The following ZMYM4 variants were observed in gnomAD, a reference collection of about 807,000 sequenced individuals.
The protein encoded by ZMYM4 is zinc finger MYM-type containing 4, also known as zinc finger MYM-type protein 4.
Under a neutral mutation model 183.2 loss-of-function variants are expected in ZMYM4, and 31 were observed. The ratio of observed to expected loss-of-function variants is 0.17; its 90% CI spans 0.13 to 0.23. The LOEUF is 0.23. Among genes scored for constraint, ZMYM4 ranks in the 10% least tolerant of loss-of-function variants. The probability of loss-of-function intolerance (pLI) is 1.00; values close to 1 mark genes in which losing one functional copy is unlikely to be tolerated. For synonymous variants in ZMYM4, 592 were observed against 631.2 expected (o/e 0.94, Z 0.93); for missense variants, 1,273 against 1,840.3 (o/e 0.69, Z 5.64).
rs545637685 is a variant in ZMYM4 at position 35,321,726 on chromosome 1, A to C, written c.40-3634A>C. ...TAAATTGGATTAAATCATATAAAGT[A>C]CTTGGAAAAAAAGTGTCATAAACTG... On this transcript the variant is annotated intron_variant, in intron 1 of 29. Coordinates refer to ENST00000314607, the MANE Select transcript of ZMYM4 (RefSeq NM_005095.3). Among the ~76,000 whole-genome samples the C allele has an allele frequency of 2.0e-5, 3 of 152,260 alleles. No individual in the cohort carries two copies. The East Asian group carries it at 5.8e-4, about 29-fold the overall frequency.
At chr1:35,332,407 T>G (rs1022978185) in intron 2 of ZMYM4, among the ~76,000 whole-genome samples, 10 of 151,452 alleles carry the variant, frequency 6.6e-5, no homozygotes, top group African/African-American at 2.2e-4. Flanking sequence ...GGGGATGTTT[T>G]TTTTTTTTTT....
At position 35,340,780 on chromosome 1, in the gene ZMYM4, G is replaced by T. The variant is rs192990084; in HGVS notation, c.85+15375G>T. The stretch of plus-strand genomic sequence containing the variant: ...CTTGCTTGTGGGATGCTGACCTCCT[G>T]CTGTGAGGCCCAGTTTCTAACAGGC... On this transcript the variant is annotated intron_variant, in intron 2 of 29. Coordinates refer to ENST00000314607, the MANE Select transcript of ZMYM4 (RefSeq NM_005095.3). Among the ~76,000 whole-genome samples, 13 of 152,306 alleles carry T rather than the reference G, an allele frequency of 8.5e-5. 2 individuals carry two copies. The highest frequency in any genetic ancestry group is 2.6e-4 in the African/African-American group (11 of 41,562).
chr1:35,313,012 G>A (rs1286527640), intron 1 of ZMYM4, among the ~76,000 whole-genome samples: 2 of 152,168 alleles, frequency 1.3e-5, no homozygotes, highest in African/African-American at 2.4e-5. Flanking sequence ...TCCTGCCCCA[G>A]CCTCCCGAGT....
intron 13 of ZMYM4, 88 bp downstream of exon 13, chr1:35,387,692 A>G (rs1285186762): frequency 1.5e-5 from 21 of 1,385,572 alleles, no homozygotes; most frequent in South Asian, 1.1e-4. Flanking sequence ...GTCTAAGTTA[A>G]TCTGTTTTAT....
At chr1:35,410,545 G>T (rs972392715) in intron 26 of ZMYM4, among the ~76,000 whole-genome samples, 1 of 151,816 alleles carries the variant, frequency 6.6e-6, no homozygotes, top group South Asian at 2.1e-4. Flanking sequence ...CTGGAGTGCA[G>T]TGACACCATC....
intron 1 of ZMYM4, among the ~76,000 whole-genome samples, chr1:35,286,387 A>G (rs1212123906): frequency 2.0e-5 from 3 of 152,162 alleles, no homozygotes; most frequent in Non-Finnish European, 4.4e-5. Flanking sequence ...TCCGCCAAAA[A>G]AATAGAACCA....
intron 9 of ZMYM4, 118 bp downstream of exon 9, chr1:35,381,876 G>T: frequency 8.0e-7 from 1 of 1,247,268 alleles, no homozygotes. Context: ...CAAGTGCCAT[G>T]GCTCACACCT....
intron 7 of ZMYM4, among the ~76,000 whole-genome samples, chr1:35,374,019 C>CT (rs397863926): frequency 0.084 from 4,432 of 52,888 alleles, 1,188 homozygotes; most frequent in Non-Finnish European, 0.12. Flanking sequence ...TCATGGGATT[C>CT]TTTTTTTTTT....
chr1:35,322,845 A>G (rs889023187), intron 1 of ZMYM4, among the ~76,000 whole-genome samples: 3 of 151,778 alleles, frequency 2.0e-5, no homozygotes, highest in African/African-American at 7.3e-5. Flanking sequence ...GTGTGCCACC[A>G]TGCCCGGCTA....
At position 35,371,164 on chromosome 1, in the gene ZMYM4, G is replaced by T. The variant is rs550260215; in HGVS notation, c.1181+537G>T. Among the ~76,000 whole-genome samples the T allele has an allele frequency of 3.0e-3, 457 of 151,540 alleles. 1 individual carries two copies. The highest frequency in any genetic ancestry group is 4.3e-3 in the Non-Finnish European group (294 of 67,886). ...GGAGTCTCGCTCTGTTGCCCAGGCT[G>T]GAGTGCAGTGGTGTGATCTCGGCTC... is the stretch of plus-strand genomic sequence containing the variant. On this transcript the variant is annotated intron_variant, in intron 7 of 29. Transcript: ENST00000314607.
intron 2 of ZMYM4, among the ~76,000 whole-genome samples, chr1:35,336,234 A>G (rs778899462): frequency 3.3e-5 from 5 of 152,034 alleles, no homozygotes; most frequent in Non-Finnish European, 4.4e-5. Context: ...TTCTTGTACC[A>G]TGTTGAACAT....
At chr1:35,353,466 C>A (rs966503787) in intron 2 of ZMYM4, among the ~76,000 whole-genome samples, 4 of 152,116 alleles carry the variant, frequency 2.6e-5, no homozygotes, top group African/African-American at 7.2e-5. Context: ...CCTAATAGAT[C>A]CATTCTGTTT....
rs1026069412 is a variant in ZMYM4, at chr1:35,402,212, T to C, written c.3528+2636T>C. Among the ~76,000 whole-genome samples, 98 of 152,258 alleles carry C rather than the reference T, an allele frequency of 6.4e-4. 1 individual carries two copies. The highest frequency in any genetic ancestry group is 2.9e-5 in the Non-Finnish European group (2 of 68,004). ...GACATTTTAGGAATGTTGAGTCTTC[T>C]AATTTGGAAACATGGAATAGTCTGC... On this transcript the variant is annotated intron_variant, in intron 23 of 29. Transcript: ENST00000314607.
chr1:35,301,545 C>CAA lies in ZMYM4; in HGVS notation c.40-23799_40-23798dup, dbSNP rs531815209. Among the ~76,000 whole-genome samples, 18 of 80,656 alleles carry CAA rather than the reference C, an allele frequency of 2.2e-4. No individual in the cohort carries two copies. The South Asian group carries it at 3.7e-3, about 17-fold the overall frequency. The allele number at this position is 80,656 out of a possible 152,430, so 52.9% of individuals were successfully genotyped here. A position where few individuals can be genotyped will look rare whatever the true frequency, so the allele number is the denominator to read the frequency against. ...TGGGTGACAGAGTGAGAGGGTGTCT[C>CAA]AAAAAAAAAAAAAAAAAGTCTTGTC... On this transcript the variant is annotated intron_variant, in intron 1 of 29. Transcript: ENST00000314607.
intron 1 of ZMYM4, among the ~76,000 whole-genome samples, chr1:35,301,671 A>C (rs540279217): frequency 1.3e-5 from 2 of 151,918 alleles, no homozygotes; most frequent in African/African-American, 4.8e-5. Flanking sequence ...ACTGGCCTCC[A>C]TGGTTTCTTC....
intron 2 of ZMYM4, among the ~76,000 whole-genome samples, chr1:35,352,254 C>CGT (rs1643636177): frequency 1.0e-5 from 1 of 99,070 alleles, no homozygotes; most frequent in African/African-American, 4.3e-5. Flanking sequence ...TAAAAATTAG[C>CGT]GCGCACGCGC....
Position 35,268,807 on chromosome 1 carries a change from T to TCCCGGCCCCCAC in ZMYM4, c.-235_-224dup, listed in dbSNP as rs1236144618. Among the ~76,000 whole-genome samples the TCCCGGCCCCCAC allele has an allele frequency of 2.6e-5, 4 of 152,052 alleles. No individual in the cohort carries two copies. The highest frequency in any genetic ancestry group is 9.7e-5 in the African/African-American group (4 of 41,426). ...CCTTGGAGGCCATTAACCCCCCGAG[T>TCCCGGCCCCCAC]CCCGGCCCCCACCCCGTCCCCGGGC... On this transcript the variant is annotated 5_prime_UTR_variant, in exon 1 of 30. Coordinates refer to ENST00000314607, the MANE Select transcript of ZMYM4 (RefSeq NM_005095.3).
intron 1 of ZMYM4, 41 bp downstream of exon 1, chr1:35,269,126 GCGCGGCCCGGGGC>G: frequency 6.5e-7 from 1 of 1,543,364 alleles, no homozygotes; most frequent in East Asian, 2.5e-5. Context: ...GGGGGGCGGG[GCGCGGCCCGGGGC>G]CGGGAATGGG....
rs760347765 is a variant in ZMYM4 at position 35,361,681 on chromosome 1, A to G, written c.732A>G (p.Ala244=). The G allele has an allele frequency of 1.2e-5, 19 of 1,613,734 alleles. No homozygotes were observed. The highest frequency in any genetic ancestry group is 1.7e-5 in the Admixed American group (1 of 59,982). ...SIGSELGNSF[A]SNIRIKEEPL... ...GTTCGGAACTGGGGAATTCCTTTGC[A>G]TCAAATATTAGAATTAAAGAAGAAC... The change falls in exon 5 of 30, where the codon GCA becomes GCG. Residue 244 remains alanine (A), a synonymous_variant. Transcript: ENST00000314607.
Sources: allele counts gnomAD v4.1 joint callset (sites outside exome capture counted in the v4.1 genomes callset), GRCh38; gene constraint gnomAD v4.1.1; transcripts MANE v1.5; gene names NCBI Gene and HGNC (gene_info 2026-07-23, HGNC 2026-07-21).